Variants in RARS2 observed in about 807,000 individuals in gnomAD.
RARS2 encodes probable arginine--tRNA ligase, mitochondrial.
In RARS2, 67 loss-of-function variants were observed where a neutral mutation model predicts 88.5. That is an observed-to-expected ratio of 0.76 (90% CI 0.62 to 0.93). RARS2 has a LOEUF of 0.93. Among genes scored for constraint, RARS2 ranks in the 40% least tolerant of loss-of-function variants. The pLI, the probability that RARS2 is intolerant of heterozygous loss-of-function variation, is 0.00. For missense variants in RARS2, 664 were observed against 684.2 expected (o/e 0.97, Z 0.33); for synonymous variants, 239 against 230.3 (o/e 1.04, Z -0.34).
intron 4 of RARS2, among the ~76,000 whole-genome samples, chr6:87,561,360 C>G (rs1175723058): frequency 6.6e-6 from 1 of 152,182 alleles, no homozygotes; most frequent in Non-Finnish European, 1.5e-5. Context: ...AAATATACAG[C>G]CTATCAATAG....
intron 18 of RARS2, among the ~76,000 whole-genome samples, chr6:87,516,485 T>C (rs765504331): frequency 1.3e-5 from 2 of 152,154 alleles, no homozygotes; most frequent in African/African-American, 2.4e-5. Context: ...AATATCTCCT[T>C]TCCTCTGAGA....
At chr6:87,530,235 G>C (rs995425179) in intron 9 of RARS2, among the ~76,000 whole-genome samples, 1 of 152,076 alleles carries the variant, frequency 6.6e-6, no homozygotes, top group Non-Finnish European at 1.5e-5. Context: ...CGTTCATCTT[G>C]CTTACTTACT....
intron 1 of RARS2, among the ~76,000 whole-genome samples, chr6:87,575,268 CA>C (rs1562251930): frequency 5.4e-5 from 8 of 148,080 alleles, no homozygotes; most frequent in Middle Eastern, 3.2e-3. Context: ...CACACACACA[CA>C]CACACACACC....
intron 4 of RARS2, among the ~76,000 whole-genome samples, chr6:87,561,940 G>A (rs895650669): frequency 2.0e-5 from 3 of 152,076 alleles, no homozygotes; most frequent in African/African-American, 7.2e-5. Flanking sequence ...TTTGTTAATT[G>A]CAATAAAGCT....
intron 1 of RARS2, among the ~76,000 whole-genome samples, chr6:87,587,202 G>C (rs1276368318): frequency 6.6e-6 from 1 of 152,076 alleles, no homozygotes; most frequent in Admixed American, 6.5e-5. Flanking sequence ...TGAAAATCTG[G>C]AATTCTCCAA....
intron 1 of RARS2, among the ~76,000 whole-genome samples, chr6:87,579,733 T>TG (rs1772844991): frequency 8.0e-6 from 1 of 125,468 alleles, no homozygotes; most frequent in Non-Finnish European, 1.7e-5. Flanking sequence ...TTTTTTTTTT[T>TG]TTTTTTTTTT....
chr6:87,575,279 C>G (rs1390845476), intron 1 of RARS2, among the ~76,000 whole-genome samples: 4 of 87,004 alleles, frequency 4.6e-5, no homozygotes, highest in African/African-American at 8.2e-5. Context: ...ACACACACAC[C>G]TTGGCTTCTT....
At chr6:87,580,147 T>A (rs1444695617) in intron 1 of RARS2, among the ~76,000 whole-genome samples, 2 of 152,232 alleles carry the variant, frequency 1.3e-5, no homozygotes, top group East Asian at 3.9e-4. Flanking sequence ...CTTTCTTGGA[T>A]CAGAATGTGA....
At chr6:87,556,435 C>A (rs1785912985) in intron 4 of RARS2, among the ~76,000 whole-genome samples, 1 of 152,026 alleles carries the variant, frequency 6.6e-6, no homozygotes, top group Non-Finnish European at 1.5e-5. Flanking sequence ...CCTACCACCT[C>A]AGCCTCCAGA....
At chr6:87,514,608 T>C in intron 19 of RARS2, 109 bp from the exon 20 acceptor site, 2 of 966,458 alleles carry the variant, frequency 2.1e-6, no homozygotes, top group South Asian at 1.4e-5. Flanking sequence ...AGGAACAATA[T>C]GTCAAAGTGC....
chr6:87,518,242 C>T lies in RARS2; in HGVS notation c.1438G>A (p.Gly480Arg), dbSNP rs769853119. Reference protein sequence around the residue: ...LHSLEETFGCGYLNDFNTACL... With the variant: ...LHSLEETFGCRYLNDFNTACL... ...GCAGTGTTGAAGTCATTCAGGTACC[C>T]ACATCCAAAAGTCTCTTCCAAACTT... is the stretch of plus-strand genomic sequence containing the variant. Residue 480 changes from glycine (G) to arginine (R), a missense_variant, in exon 17 of 20, where the codon GGG (glycine) becomes AGG (arginine). By Grantham distance (125) the Gly-to-Arg change is moderately radical. Transcript: ENST00000369536. 3 of 1,614,130 alleles carry T rather than the reference C, an allele frequency of 1.9e-6. No homozygotes were observed. Among genetic ancestry groups the T allele is most frequent in the Non-Finnish European group, 2.5e-6 (3 of 1,180,010 alleles).
chr6:87,543,260 G>A (rs575679261), intron 7 of RARS2, among the ~76,000 whole-genome samples: 2 of 151,948 alleles, frequency 1.3e-5, no homozygotes, highest in African/African-American at 2.4e-5. Context: ...CCGAGATCCC[G>A]CCATTGCATT....
chr6:87,539,744 C>T (rs750059472), intron 8 of RARS2, among the ~76,000 whole-genome samples: 9 of 152,136 alleles, frequency 5.9e-5, no homozygotes, highest in African/African-American at 2.2e-4. Flanking sequence ...AAACTGCTGG[C>T]GAGTGTACCC....
chr6:87,548,770 A>G (rs2128127318), intron 5 of RARS2, 124 bp from the exon 6 acceptor site: 1 of 805,832 alleles, frequency 1.2e-6, no homozygotes, highest in South Asian at 1.7e-5. Context: ...GGCAAAGATA[A>G]GTTAAAAGTT....
chr6:87,578,860 T>G (rs1772437574), intron 1 of RARS2, among the ~76,000 whole-genome samples: 1 of 141,990 alleles, frequency 7.0e-6, no homozygotes, highest in African/African-American at 2.7e-5. Flanking sequence ...CTCAGGAAGC[T>G]GAGGCAGGAG....
At chr6:87,550,287 T>G (rs1337589909) in intron 5 of RARS2, among the ~76,000 whole-genome samples, 2 of 152,116 alleles carry the variant, frequency 1.3e-5, no homozygotes, top group African/African-American at 4.8e-5. Context: ...CAATAGTCAG[T>G]GAAGGACTGT....
intron 7 of RARS2, among the ~76,000 whole-genome samples, chr6:87,544,695 T>C (rs1782067440): frequency 1.3e-5 from 2 of 152,250 alleles, no homozygotes; most frequent in East Asian, 3.8e-4. Flanking sequence ...ACACCTTGAT[T>C]ACTGGTTTAC....
chr6:87,538,238 T>C (rs936605662), intron 8 of RARS2, among the ~76,000 whole-genome samples: 13 of 152,228 alleles, frequency 8.5e-5, no homozygotes, highest in African/African-American at 2.9e-4. Flanking sequence ...CTATTACAAA[T>C]AGCAAAGTGG....
intron 10 of RARS2, 107 bp downstream of exon 10, chr6:87,529,435 T>C: frequency 1.3e-6 from 1 of 790,534 alleles, no homozygotes; most frequent in South Asian, 1.4e-5. Context: ...CTATAAAAAA[T>C]CCCAAGAAAG....
Sources: allele counts gnomAD v4.1 joint callset (sites outside exome capture counted in the v4.1 genomes callset), GRCh38; gene constraint gnomAD v4.1.1; transcripts MANE v1.5; gene names NCBI Gene and HGNC (gene_info 2026-07-23, HGNC 2026-07-21).